ZNF410: variants seen among roughly 807,000 people sequenced by gnomAD.
ZNF410 encodes the protein another partner for ARF 1.
ZNF410 carries 18 observed loss-of-function variants against 54.8 expected under a neutral mutation model. That is an observed-to-expected ratio of 0.33 (90% CI 0.23 to 0.49). ZNF410 has a LOEUF of 0.49. Ranked by LOEUF, ZNF410 falls within the 20% of genes least tolerant of loss-of-function variation. The pLI is 0.99. For synonymous variants in ZNF410, 191 were observed against 207.3 expected, an observed-to-expected ratio of 0.92 and a Z score of 0.68; for missense variants, 405 against 569.6, an observed-to-expected ratio of 0.71 and a Z score of 2.94.
chr14:73,911,838 T>G (rs908894044), intron 8 of ZNF410, among the ~76,000 whole-genome samples: 14 of 148,024 alleles, frequency 9.5e-5, no homozygotes, highest in Admixed American at 3.3e-4. Context: ...CTACATTGAG[T>G]TGTTGTTGTT....
At chr14:73,889,963 A>T (rs1390652656) in intron 1 of ZNF410, among the ~76,000 whole-genome samples, 1 of 151,268 alleles carries the variant, frequency 6.6e-6, no homozygotes, top group Non-Finnish European at 1.5e-5. Context: ...CACCTAGCTA[A>T]TTTTTTGTAT....
At position 73,893,848 on chromosome 14, in the gene ZNF410, G is replaced by A. The variant is rs751128358; in HGVS notation, c.85G>A (p.Val29Ile). The A allele has an allele frequency of 1.5e-5, 24 of 1,613,992 alleles. 1 individual carries two copies. Among genetic ancestry groups the A allele is most frequent in the Middle Eastern group, 1.6e-4 (1 of 6,084 alleles). Residue 29 changes from valine (V) to isoleucine (I), a missense_variant, in exon 3 of 12, where the codon GTA becomes ATA. This residue lies in a region of ZNF410 where 247 missense variants were observed against 342.8 expected (regional missense o/e 0.72). Transcript: ENST00000555044. The stretch of plus-strand genomic sequence containing the variant: ...GTCCATCCCATTGGGACAGGGGCTT[G>A]TAGAATCAGAAGCTAAAGATATTAC... ...NTSIPLGQGL[V>I]ESEAKDITCL...
chr14:73,912,094 G>C (rs1386354704), intron 8 of ZNF410, among the ~76,000 whole-genome samples: 1 of 151,786 alleles, frequency 6.6e-6, no homozygotes, highest in Non-Finnish European at 1.5e-5. Flanking sequence ...CACAGTGCTT[G>C]GTTGTCAAAA....
At chr14:73,889,110 G>T (rs1347835744) in intron 1 of ZNF410, among the ~76,000 whole-genome samples, 1 of 152,136 alleles carries the variant, frequency 6.6e-6, no homozygotes, top group Admixed American at 6.5e-5. Flanking sequence ...GGAACCTTAA[G>T]GATGACTTAA....
intron 11 of ZNF410, among the ~76,000 whole-genome samples, chr14:73,925,708 G>C (rs542097668): frequency 2.6e-4 from 39 of 152,262 alleles, no homozygotes; most frequent in African/African-American, 8.7e-4. Flanking sequence ...GATTACAGGT[G>C]TGAGCTGCCG....
chr14:73,898,899 G>A (rs1227319743), intron 5 of ZNF410, among the ~76,000 whole-genome samples: 1 of 152,188 alleles, frequency 6.6e-6, no homozygotes, highest in Non-Finnish European at 1.5e-5. Flanking sequence ...AAACTCTCAG[G>A]CCCATGCCAG....
At chr14:73,912,568 A>G (rs926399916) in intron 8 of ZNF410, among the ~76,000 whole-genome samples, 42 of 152,166 alleles carry the variant, frequency 2.8e-4, no homozygotes, top group South Asian at 2.1e-4. Context: ...CTCCTTTCAC[A>G]TTAGTTGGAA....
chr14:73,894,108 A>G (rs932900673), intron 3 of ZNF410, among the ~76,000 whole-genome samples, 176 bp downstream of exon 3: 6 of 152,230 alleles, frequency 3.9e-5, no homozygotes, highest in African/African-American at 1.2e-4. Context: ...TTTAAGCCAT[A>G]GGAATGGATA....
chr14:73,893,918 G>A lies in ZNF410; in HGVS notation c.155G>A (p.Arg52Gln), dbSNP rs772255997. The change falls in exon 3 of 12, where the codon CGG (arginine) becomes CAG (glutamine). Residue 52 changes from arginine to glutamine, a missense_variant. By Grantham distance (43) the Arg-to-Gln change is conservative. Transcript: ENST00000555044. ...LPVTEASECS[R>Q]LMLPDDTTNH... The stretch of plus-strand genomic sequence containing the variant: ...GTGACTGAAGCCTCAGAATGCAGTC[G>A]GCTAATGTTACCAGGTAAAAATTAA... 2.9e-5 allele frequency: 47 copies of A among 1,609,548 alleles called. No homozygotes were observed. Among genetic ancestry groups the A allele is most frequent in the Non-Finnish European group, 3.6e-5 (43 of 1,178,848 alleles).
intron 8 of ZNF410, among the ~76,000 whole-genome samples, chr14:73,911,893 G>A (rs1205825462): frequency 6.6e-6 from 1 of 152,114 alleles, no homozygotes; most frequent in Non-Finnish European, 1.5e-5. Flanking sequence ...GCAAAACAGA[G>A]TCAGTTGACT....
intron 5 of ZNF410, chr14:73,898,476 T>C: frequency 3.3e-6 from 2 of 602,018 alleles, no homozygotes; most frequent in Non-Finnish European, 5.8e-6. Flanking sequence ...TTCTCAACTT[T>C]AAATAATGTA....
intron 11 of ZNF410, chr14:73,924,638 A>G (rs1271836463): frequency 1.6e-5 from 7 of 436,302 alleles, no homozygotes; most frequent in South Asian, 1.1e-4. Context: ...TCAGTATTAC[A>G]TTAGTTTTTA....
At chr14:73,906,271 T>A (rs2055489180) in intron 7 of ZNF410, 1 of 152,068 alleles carries the variant, frequency 6.6e-6, no homozygotes, top group South Asian at 2.1e-4. Context: ...CCCAAAGTGC[T>A]GGGATTACAG....
chr14:73,896,516 C>T lies in ZNF410; in HGVS notation c.370C>T (p.Leu124Phe). The T allele has an allele frequency of 6.2e-7, 1 of 1,614,128 alleles. No homozygotes were observed. The change falls in exon 4 of 12, where the codon CTT becomes TTT. Residue 124 changes from leucine (L) to phenylalanine (F), a missense_variant. Transcript: ENST00000555044. ...AAGTGATAGCACTTCTTTTATTCTT[C>T]TTAACCTAACAAGAGCAGGTATTCT... Reference protein sequence around the residue: ...QPSDSTSFILLNLTRAGLGSS... With the variant: ...QPSDSTSFILFNLTRAGLGSS...
Position 73,896,376 on chromosome 14 carries a change from G to A in ZNF410, c.230G>A (p.Ser77Asn). 4 of 1,614,186 alleles carry A rather than the reference G, an allele frequency of 2.5e-6. No homozygotes were observed. Among genetic ancestry groups the A allele is most frequent in the Middle Eastern group, 3.3e-4 (2 of 6,062 alleles). Residue 77 changes from serine to asparagine, a missense_variant, in exon 4 of 12, where the codon AGC (serine) becomes AAC (asparagine). Around this residue, in one of 3 missense-constraint regions of ZNF410, gnomAD observed 247 missense variants for 342.8 expected, o/e 0.72. Coordinates refer to ENST00000555044, the MANE Select transcript of ZNF410 (RefSeq NM_021188.3). ...GTCCCTTCCTCAGCTGTTTTGAGAAGCCTTCGGGTGAATGTGGGTCCAGAC... is the reference window on the plus strand; with the variant it reads ...GTCCCTTCCTCAGCTGTTTTGAGAAACCTTCGGGTGAATGTGGGTCCAGAC... ...KEVPSSAVLRSLRVNVGPDGE... is the reference protein window; with the variant it reads ...KEVPSSAVLRNLRVNVGPDGE...
At chr14:73,930,980 G>A (rs1320332402) in intron 11 of ZNF410, among the ~76,000 whole-genome samples, 2 of 152,166 alleles carry the variant, frequency 1.3e-5, no homozygotes, top group Non-Finnish European at 2.9e-5. Context: ...GTATAGAGTA[G>A]AATGTTAGTG....
At chr14:73,905,141 C>A in intron 7 of ZNF410, 58 bp downstream of exon 7, 1 of 1,557,684 alleles carries the variant, frequency 6.4e-7, no homozygotes, top group South Asian at 1.2e-5. Flanking sequence ...GCATGTTTGC[C>A]TCTCCTTAGG....
intron 11 of ZNF410, among the ~76,000 whole-genome samples, chr14:73,926,354 T>A (rs1403067946): frequency 6.8e-6 from 1 of 147,100 alleles, no homozygotes; most frequent in African/African-American, 2.5e-5. Flanking sequence ...TGTTTAATAC[T>A]TCTCTTAATT....
chr14:73,917,692 A>T (rs2055688934), intron 8 of ZNF410, among the ~76,000 whole-genome samples: 1 of 152,064 alleles, frequency 6.6e-6, no homozygotes, highest in Admixed American at 6.6e-5. Context: ...GTGTGGTGGC[A>T]TGTGCCTGTA....
Sources: allele counts gnomAD v4.1 joint callset (sites outside exome capture counted in the v4.1 genomes callset), GRCh38; gene constraint gnomAD v4.1.1; regional missense constraint gnomAD v4.1.1; transcripts MANE v1.5; gene names NCBI Gene and HGNC (gene_info 2026-07-23, HGNC 2026-07-21).